Variants in CCDC158 observed in about 807,000 individuals in gnomAD.
CCDC158 encodes coiled-coil domain containing 158, also known as coiled-coil domain-containing protein 158.
CCDC158 carries 116 observed loss-of-function variants against 138.6 expected under a neutral mutation model. The ratio of observed to expected loss-of-function variants is 0.84; its 90% CI spans 0.72 to 0.98. The LOEUF (loss-of-function observed/expected upper bound fraction) is 0.98, where lower values mean the gene tolerates loss of function less well. Among genes scored for constraint, CCDC158 ranks in the 50% least tolerant of loss-of-function variants. CCDC158 has a pLI of 0.00. For synonymous variants in CCDC158, 436 were observed against 442.4 expected (o/e 0.99, Z 0.18); for missense variants, 1,265 against 1,306.1 (o/e 0.97, Z 0.48).
At position 76,353,281 on chromosome 4, in the gene CCDC158, C is replaced by T. The variant is rs1382062630; in HGVS notation, c.2287G>A (p.Glu763Lys). The T allele has an allele frequency of 6.3e-7, 1 of 1,599,934 alleles. No individual in the cohort carries two copies. The highest frequency in any genetic ancestry group is 1.3e-5 in the African/African-American group (1 of 74,086). Reference protein sequence around the residue: ...LEEAMTNANKEKHFLKEEKSK... With the variant: ...LEEAMTNANKKKHFLKEEKSK... ...TTCTCTTCTTTCAGAAAATGTTTCTCCTACAATTATATGAGAGAAAAACAT... is the reference window on the plus strand; with the variant it reads ...TTCTCTTCTTTCAGAAAATGTTTCTTCTACAATTATATGAGAGAAAAACAT... Residue 763 changes from glutamate (E) to lysine (K), a missense_variant and splice_region_variant, in exon 16 of 25, where the codon GAG becomes AAG. Transcript: ENST00000682701.
intron 4 of CCDC158, among the ~76,000 whole-genome samples, chr4:76,386,796 G>T (rs1421934455): frequency 6.6e-6 from 1 of 152,148 alleles, no homozygotes; most frequent in Non-Finnish European, 1.5e-5. Flanking sequence ...ACAGCAACTG[G>T]GGGGTTTTAT....
At chr4:76,394,390 C>T (rs1185309515) in intron 4 of CCDC158, among the ~76,000 whole-genome samples, 1 of 152,056 alleles carries the variant, frequency 6.6e-6, no homozygotes, top group Non-Finnish European at 1.5e-5. Flanking sequence ...GAAAGGCAGA[C>T]ATCACATGTT....
chr4:76,345,477 A>T (rs1474166080), intron 18 of CCDC158: 1 of 935,726 alleles, frequency 1.1e-6, no homozygotes, highest in Non-Finnish European at 1.8e-6. Context: ...CAAACCGAAG[A>T]GAGTGGCAGC....
rs182236842 is a variant in CCDC158, at chr4:76,399,357, G to A, written c.71-2871C>T. ...ATCAGGATACATGGCTAATGCATACGGGCTTAATACCTAGGTGATGGGTTG... is the reference window on the plus strand; with the variant it reads ...ATCAGGATACATGGCTAATGCATACAGGCTTAATACCTAGGTGATGGGTTG... On this transcript the variant is annotated intron_variant, in intron 3 of 24. Transcript: ENST00000682701. 1.8e-4 allele frequency among the ~76,000 whole-genome samples: 27 copies of A among 152,210 alleles called. No homozygotes were observed. In the East Asian group the frequency reaches 4.4e-3, roughly 25 times the overall value.
In CCDC158 at chr4:76,379,380, A is replaced by G. The variant is rs1485845197; in HGVS notation, c.939T>C (p.Ser313=). ...GATCGCTGAGCTGACGCATATACAT[A>G]GAGTTTTGGTTTCTTGCTTGCTCTC... ...IIQEQARNQN[S]MYMRQLSDLE... The change falls in exon 9 of 25, where the codon TCT becomes TCC. Residue 313 remains serine (S), a synonymous_variant. Transcript: ENST00000682701. 1 of 1,603,764 alleles carries G rather than the reference A, an allele frequency of 6.2e-7. No homozygotes were observed. Among genetic ancestry groups the G allele is most frequent in the Non-Finnish European group, 8.5e-7 (1 of 1,176,418 alleles).
chr4:76,383,482 A>G (rs745711418), intron 7 of CCDC158, among the ~76,000 whole-genome samples, 180 bp downstream of exon 7: 5 of 152,126 alleles, frequency 3.3e-5, no homozygotes, highest in Non-Finnish European at 5.9e-5. Context: ...CTCAAATGAC[A>G]TCTTCCTTAC....
chr4:76,375,596 A>T, intron 9 of CCDC158: 2 of 703,030 alleles, frequency 2.8e-6, no homozygotes, highest in Non-Finnish European at 5.2e-6. Context: ...ACATCAGGAG[A>T]TATTTTTGTT....
At chr4:76,397,906 G>C (rs1727975036) in intron 3 of CCDC158, among the ~76,000 whole-genome samples, 3 of 152,126 alleles carry the variant, frequency 2.0e-5, no homozygotes, top group Non-Finnish European at 4.4e-5. Context: ...GTTGAATCCA[G>C]GTCTGAGGGA....
rs1719054453 is a variant in CCDC158, at chr4:76,313,214, T to C, written c.3310A>G (p.Arg1104Gly). The change falls in exon 25 of 25, where the codon AGG becomes GGG. Residue 1104 changes from arginine to glycine, a missense_variant. Transcript: ENST00000682701. ...TCCTGGTCTTTTACTTTCTGTATCC[T>C]CTTTTCTTGATTTCTGATCATTGAA... ...MSSMIRNQEK[R>G]IQKVKDQEKM... 1 of 1,609,128 alleles carries C rather than the reference T, an allele frequency of 6.2e-7. No individual in the cohort carries two copies. Among genetic ancestry groups the C allele is most frequent in the South Asian group, 1.1e-5 (1 of 90,244 alleles).
At chr4:76,415,118 G>C (rs745360753) in intron 1 of CCDC158, among the ~76,000 whole-genome samples, 8 of 152,158 alleles carry the variant, frequency 5.3e-5, no homozygotes, top group Non-Finnish European at 1.2e-4. Flanking sequence ...AACTTGTTGG[G>C]AACTAGAGTA....
intron 18 of CCDC158, among the ~76,000 whole-genome samples, chr4:76,338,249 C>T (rs1026826151): frequency 4.6e-5 from 7 of 152,158 alleles, no homozygotes; most frequent in African/African-American, 1.7e-4. Context: ...CAGTGGCTCA[C>T]GCCTGTAATC....
At chr4:76,394,873 C>T (rs1041195062) in intron 4 of CCDC158, among the ~76,000 whole-genome samples, 1 of 151,794 alleles carries the variant, frequency 6.6e-6, no homozygotes, top group African/African-American at 2.4e-5. Context: ...ATACAAGATA[C>T]CTAAGAGAAA....
At chr4:76,401,132 G>A (rs978170323) in intron 3 of CCDC158, 3 of 226,018 alleles carry the variant, frequency 1.3e-5, no homozygotes, top group Admixed American at 5.2e-5. Flanking sequence ...TTTTTGATAT[G>A]GGTACACTAC....
At chr4:76,382,988 A>G (rs1726421393) in intron 7 of CCDC158, among the ~76,000 whole-genome samples, 2 of 152,176 alleles carry the variant, frequency 1.3e-5, no homozygotes, top group Admixed American at 1.3e-4. Context: ...GACACCCCCA[A>G]TGAGATCTAG....
intron 13 of CCDC158, among the ~76,000 whole-genome samples, chr4:76,358,585 T>C (rs1477047492): frequency 1.3e-5 from 2 of 152,226 alleles, no homozygotes; most frequent in Non-Finnish European, 2.9e-5. Context: ...TGATATTTCA[T>C]GGCTTCATGC....
chr4:76,366,293 C>A (rs542519913), intron 12 of CCDC158, among the ~76,000 whole-genome samples: 1 of 152,068 alleles, frequency 6.6e-6, no homozygotes, highest in East Asian at 1.9e-4. Flanking sequence ...ATAGAAAATT[C>A]TATTTTTAAT....
At chr4:76,357,027 G>A (rs970688112) in intron 14 of CCDC158, among the ~76,000 whole-genome samples, 1 of 152,020 alleles carries the variant, frequency 6.6e-6, no homozygotes, top group Non-Finnish European at 1.5e-5. Flanking sequence ...TAGTGTACAT[G>A]TTGAAAAATA....
At chr4:76,411,290 T>C (rs1051710464) in intron 2 of CCDC158, among the ~76,000 whole-genome samples, 1 of 152,022 alleles carries the variant, frequency 6.6e-6, no homozygotes, top group Non-Finnish European at 1.5e-5. Context: ...TAGTCCCAGC[T>C]ACGTGGAAGG....
chr4:76,363,404 CT>C (rs1368088161), intron 12 of CCDC158, among the ~76,000 whole-genome samples: 4 of 152,106 alleles, frequency 2.6e-5, no homozygotes, highest in Non-Finnish European at 5.9e-5. Flanking sequence ...GCTGATTTTG[CT>C]TTGTATCCTT....
Sources: allele counts gnomAD v4.1 joint callset (sites outside exome capture counted in the v4.1 genomes callset), GRCh38; gene constraint gnomAD v4.1.1; transcripts MANE v1.5; gene names NCBI Gene and HGNC (gene_info 2026-07-23, HGNC 2026-07-21).